Variants in AAK1 observed in about 807,000 individuals in gnomAD.
The protein encoded by AAK1 is AP2 associated kinase 1.
In AAK1, 37 loss-of-function variants were observed where a neutral mutation model predicts 116.0. The ratio of observed to expected loss-of-function variants is 0.32; its 90% CI spans 0.25 to 0.42. The LOEUF (loss-of-function observed/expected upper bound fraction) is 0.42, where lower values mean the gene tolerates loss of function less well. Among genes scored for constraint, AAK1 ranks in the 10% least tolerant of loss-of-function variants. The probability of loss-of-function intolerance (pLI) is 1.00; values close to 1 mark genes in which losing one functional copy is unlikely to be tolerated. For synonymous variants in AAK1, 458 were observed against 439.9 expected (o/e 1.04, Z -0.51); for missense variants, 919 against 1,170.6 (o/e 0.79, Z 3.14).
intron 2 of AAK1, among the ~76,000 whole-genome samples, chr2:69,565,512 C>A (rs1238157401): frequency 6.6e-6 from 1 of 152,240 alleles, no homozygotes; most frequent in East Asian, 1.9e-4. Context: ...TTAGTACTGC[C>A]ACCTAGTGGC....
In AAK1 at chr2:69,465,807, G is replaced by C. The variant is rs1338274836; in HGVS notation, c.*10062C>G. 11 of 1,290,766 alleles carry C rather than the reference G, an allele frequency of 8.5e-6. No homozygotes were observed. In the East Asian group the frequency reaches 1.7e-4, roughly 20 times the overall value. 80.0% of individuals were successfully genotyped at this position (1,290,766 alleles called of 1,614,324 possible). ...TTGTACAGAATGGGACAGGAGGTTA[G>C]ACTGTTGCACAAAACCAGCTGTGGA... On this transcript the variant is annotated 3_prime_UTR_variant, in exon 22 of 22. Coordinates refer to ENST00000409085, the MANE Select transcript of AAK1 (RefSeq NM_014911.5).
In AAK1 at chr2:69,633,591, C is replaced by T. The variant is rs560901156; in HGVS notation, c.163+9287G>A. ...ACTCCAGCCTGGCGACAGAATGAGA[C>T]GCTGTCTCAAAAAAAAAAAAAAAAA... On this transcript the variant is annotated intron_variant, in intron 2 of 21. Transcript: ENST00000409085. Among the ~76,000 whole-genome samples, 184 of 132,474 alleles carry T rather than the reference C, an allele frequency of 1.4e-3. 1 individual carries two copies. The highest frequency in any genetic ancestry group is 5.2e-3 in the African/African-American group (170 of 32,648). 86.9% of individuals were successfully genotyped at this position (132,474 alleles called of 152,430 possible).
chr2:69,532,915 C>A (rs6730939), intron 5 of AAK1, among the ~76,000 whole-genome samples: 13,627 of 152,112 alleles, frequency 0.09, 721 homozygotes, highest in African/African-American at 0.13. Context: ...CTAGAGAAAT[C>A]CCTGGTATCA....
chr2:69,569,296 T>G (rs1173740113), intron 2 of AAK1, among the ~76,000 whole-genome samples: 1 of 152,174 alleles, frequency 6.6e-6, no homozygotes, highest in Non-Finnish European at 1.5e-5. Flanking sequence ...CACCCACCAC[T>G]TGTAGAATCT....
At chr2:69,560,919 T>C (rs1671605232) in intron 2 of AAK1, among the ~76,000 whole-genome samples, 1 of 152,180 alleles carries the variant, frequency 6.6e-6, no homozygotes, top group African/African-American at 2.4e-5. Context: ...TAGCAGAGAA[T>C]ATGGGAAACG....
intron 17 of AAK1, among the ~76,000 whole-genome samples, chr2:69,491,061 C>T (rs1248530116): frequency 6.6e-6 from 1 of 151,862 alleles, no homozygotes; most frequent in Non-Finnish European, 1.5e-5. Flanking sequence ...CTCAGCCTCC[C>T]AAGTAGCTAG....
In AAK1 at chr2:69,480,903, C is replaced by T; in HGVS notation, c.2526G>A (p.Gln842=). ...CAGATTCCGTCTGAGATGGGAGGCG[C>T]TGGGGAACTGGGGGCTCCAGTCCTG... ...LIPGLEPPVP[Q]RLPSQTESVT... is the part of the protein sequence containing the mutation. Residue 842 remains glutamine (Q), a synonymous_variant, in exon 19 of 22, where the codon CAG becomes CAA. Coordinates refer to ENST00000409085, the MANE Select transcript of AAK1 (RefSeq NM_014911.5). 6.2e-7 allele frequency: 1 copy of T among 1,607,078 alleles called. No individual in the cohort carries two copies. The highest frequency in any genetic ancestry group is 8.5e-7 in the Non-Finnish European group (1 of 1,177,390).
chr2:69,598,382 G>T, intron 2 of AAK1: 1 of 323,988 alleles, frequency 3.1e-6, no homozygotes, highest in South Asian at 7.4e-5. Context: ...AAAATGTCCA[G>T]AGGTTGGTGC....
chr2:69,529,876 C>T, intron 8 of AAK1, 132 bp downstream of exon 8: 1 of 861,386 alleles, frequency 1.2e-6, no homozygotes, highest in East Asian at 2.9e-5. Flanking sequence ...TCTTTGAGTT[C>T]CCAATCATTA....
intron 2 of AAK1, among the ~76,000 whole-genome samples, chr2:69,636,735 T>G (rs1675463639): frequency 6.6e-6 from 1 of 151,832 alleles, no homozygotes; most frequent in Admixed American, 6.6e-5. Flanking sequence ...AGACTCACTC[T>G]GTCACCCAGG....
Position 69,471,250 on chromosome 2 carries a change from G to T in AAK1, c.*4619C>A. On this transcript the variant is annotated 3_prime_UTR_variant, in exon 22 of 22. Coordinates refer to ENST00000409085, the MANE Select transcript of AAK1 (RefSeq NM_014911.5). ...ACTACCACCATTTGGTAACTTCTTTGCATAGGTTAGCATTACCCAAGGAGC... is the reference window on the plus strand; with the variant it reads ...ACTACCACCATTTGGTAACTTCTTTTCATAGGTTAGCATTACCCAAGGAGC... 1.0e-6 allele frequency: 1 copy of T among 985,368 alleles called. No individual in the cohort carries two copies. Among genetic ancestry groups the T allele is most frequent in the African/African-American group, 1.7e-5 (1 of 57,332 alleles). 61.0% of individuals were successfully genotyped at this position (985,368 alleles called of 1,614,324 possible). A position where few individuals can be genotyped will look rare whatever the true frequency, so the allele number is the denominator to read the frequency against.
At chr2:69,492,336 C>T (rs1042008989) in intron 17 of AAK1, among the ~76,000 whole-genome samples, 1 of 151,636 alleles carries the variant, frequency 6.6e-6, no homozygotes, top group African/African-American at 2.4e-5. Context: ...GCCTCAGCCT[C>T]CTGAGTGCCT....
intron 2 of AAK1, among the ~76,000 whole-genome samples, chr2:69,567,722 C>T (rs574443722): frequency 6.6e-6 from 1 of 152,156 alleles, no homozygotes; most frequent in East Asian, 1.9e-4. Context: ...CAGCCTGGCA[C>T]AACTGAGCAG....
At chr2:69,631,579 G>T (rs899424645) in intron 2 of AAK1, among the ~76,000 whole-genome samples, 8 of 152,186 alleles carry the variant, frequency 5.3e-5, no homozygotes, top group African/African-American at 7.2e-5. Context: ...TTCACCCACA[G>T]CAGACCTCAA....
At chr2:69,605,779 T>C (rs1180222267) in intron 2 of AAK1, among the ~76,000 whole-genome samples, 2 of 152,218 alleles carry the variant, frequency 1.3e-5, no homozygotes, top group Non-Finnish European at 2.9e-5. Flanking sequence ...TGCTGCCTCT[T>C]TATAGTCATC....
chr2:69,475,175 A>G lies in AAK1; in HGVS notation c.*694T>C. On this transcript the variant is annotated 3_prime_UTR_variant, in exon 22 of 22. Transcript: ENST00000409085. ...CTCCAGATCTGAGAAATCACGGTTCAATGGAAGCCAGAAAGCTGGACGAAT... is the reference window on the plus strand; with the variant it reads ...CTCCAGATCTGAGAAATCACGGTTCGATGGAAGCCAGAAAGCTGGACGAAT... 1 of 985,890 alleles carries G rather than the reference A, an allele frequency of 1.0e-6. No individual in the cohort carries two copies. The highest frequency in any genetic ancestry group is 1.2e-6 in the Non-Finnish European group (1 of 829,954). 61.1% of individuals were successfully genotyped at this position (985,890 alleles called of 1,614,324 possible). A position where few individuals can be genotyped will look rare whatever the true frequency, so the allele number is the denominator to read the frequency against.
chr2:69,501,308 A>C (rs1439701671), intron 16 of AAK1, among the ~76,000 whole-genome samples: 2 of 152,226 alleles, frequency 1.3e-5, no homozygotes, highest in African/African-American at 4.8e-5. Context: ...TTAATGATGA[A>C]AAGCATAACT....
rs562027283 is a variant in AAK1 at position 69,492,276 on chromosome 2, C to T, written c.2365+3709G>A. Among the ~76,000 whole-genome samples the T allele has an allele frequency of 1.3e-4, 20 of 151,346 alleles. No homozygotes were observed. In the East Asian group the frequency reaches 3.7e-3, roughly 28 times the overall value. ...TCACCCAGGCTGGAGTGCAGTGGCG[C>T]GATCTCAGCTCACTGCAATCTCTGC... On this transcript the variant is annotated intron_variant, in intron 17 of 21. Coordinates refer to ENST00000409085, the MANE Select transcript of AAK1 (RefSeq NM_014911.5).
Position 69,616,839 on chromosome 2 carries a change from A to C in AAK1, c.163+26039T>G, listed in dbSNP as rs185397650. ...CCAGTGTGACTCATTGTTTCCTGCC[A>C]ATCCTACCAGCCACAAATGACCTAT... On this transcript the variant is annotated intron_variant, in intron 2 of 21. Coordinates refer to ENST00000409085, the MANE Select transcript of AAK1 (RefSeq NM_014911.5). Among the ~76,000 whole-genome samples the C allele has an allele frequency of 7.6e-4, 116 of 152,266 alleles. 3 individuals carry two copies. The East Asian group carries it at 0.014, about 19-fold the overall frequency.
Sources: gnomAD v4.1 joint callset for allele counts (sites outside exome capture counted in the v4.1 genomes callset) on GRCh38, gnomAD v4.1.1 for gene constraint, MANE v1.5 for transcripts, NCBI Gene and HGNC (gene_info 2026-07-23, HGNC 2026-07-21) for gene names.